The following PCDHGB7 variants were observed in gnomAD, a reference collection of about 807,000 sequenced individuals.
PCDHGB7 encodes protocadherin gamma subfamily B, 7.
In PCDHGB7, 37 loss-of-function variants were observed where a neutral mutation model predicts 61.4. That is an observed-to-expected ratio of 0.60 (90% CI 0.46 to 0.79). The LOEUF (loss-of-function observed/expected upper bound fraction) is 0.79. PCDHGB7 is among the 30% of genes least tolerant of loss of function. The pLI, the probability that PCDHGB7 is intolerant of heterozygous loss-of-function variation, is 0.00. For missense variants in PCDHGB7, 1,166 were observed against 1,202.5 expected (o/e 0.97, Z 0.45); for synonymous variants, 464 against 503.5 (o/e 0.92, Z 1.05).
intron 1 of PCDHGB7, among the ~76,000 whole-genome samples, chr5:141,435,652 G>C (rs978809372): frequency 6.6e-6 from 1 of 152,108 alleles, no homozygotes; most frequent in Non-Finnish European, 1.5e-5. Context: ...TTTCTGAAAC[G>C]TGCACAGATT....
In PCDHGB7 at chr5:141,433,028, G is replaced by T. The variant is rs539293579; in HGVS notation, c.2415+12754G>T. 27 of 1,614,116 alleles carry T rather than the reference G, an allele frequency of 1.7e-5. No individual in the cohort carries two copies. The highest frequency in any genetic ancestry group is 6.7e-5 in the Admixed American group (4 of 60,018). On this transcript the variant is annotated intron_variant, in intron 1 of 3. Coordinates refer to ENST00000398594, the MANE Select transcript of PCDHGB7 (RefSeq NM_018927.4). ...TTTCCTGCAGACCTATTCCCACGAG[G>T]TTTCCCTCACCACGGACTCGCGGAA...
In PCDHGB7 at chr5:141,486,819, T is replaced by TG; in HGVS notation, c.2416-7988_2416-7987insG. 6.2e-7 allele frequency: 1 copy of TG among 1,614,212 alleles called. No homozygotes were observed. Among genetic ancestry groups the TG allele is most frequent in the Non-Finnish European group, 8.5e-7 (1 of 1,180,034 alleles). On this transcript the variant is annotated intron_variant, in intron 1 of 3. Coordinates refer to ENST00000398594, the MANE Select transcript of PCDHGB7 (RefSeq NM_018927.4). The surrounding 1 kb of genome is among the most constrained non-coding windows in gnomAD (Gnocchi z 5.0). ...GGCAACCCACCCCTTAGCAGCACTG[T>TG]AACAGTTCGTCTATTTGTGCTGGAC...
At position 141,485,698 on chromosome 5, in the gene PCDHGB7, T is replaced by C. The variant is rs1175015922; in HGVS notation, c.2416-9109T>C. ...TTAGCAGCTATAGGCTGAGCTCCAA[T>C]GAACACTTTGCACTGGATGTGAAGA... On this transcript the variant is annotated intron_variant, in intron 1 of 3. Transcript: ENST00000398594. This position sits in a 1 kb window ranked among gnomAD's most constrained non-coding sequence, Gnocchi z 5.7. 6.2e-7 allele frequency: 1 copy of C among 1,613,994 alleles called. No homozygotes were observed. The highest frequency in any genetic ancestry group is 8.5e-7 in the Non-Finnish European group (1 of 1,180,002).
At chr5:141,498,973 GA>G (rs1161965842) in intron 2 of PCDHGB7, among the ~76,000 whole-genome samples, 8 of 11,660 alleles carry the variant, frequency 6.9e-4, no homozygotes, top group Admixed American at 4.8e-3. Flanking sequence ...GGGAGGGAGG[GA>G]AGGAAGGAAG....
At chr5:141,457,522 G>A (rs1200640017) in intron 1 of PCDHGB7, among the ~76,000 whole-genome samples, 1 of 152,188 alleles carries the variant, frequency 6.6e-6, no homozygotes, top group Non-Finnish European at 1.5e-5. Flanking sequence ...AACAATTAAT[G>A]AGACTAGGGT....
At chr5:141,434,533 C>T (rs6862159) in intron 1 of PCDHGB7, among the ~76,000 whole-genome samples, 18,539 of 152,264 alleles carry the variant, frequency 0.12, 1,259 homozygotes, top group Non-Finnish European at 0.16. Flanking sequence ...AAACCACAAA[C>T]AATAGCATGA....
Position 141,477,100 on chromosome 5 carries a change from C to T in PCDHGB7, c.2416-17707C>T, listed in dbSNP as rs970613825. Reference sequence around the variant, plus strand: ...TTTACATCCAGGCCAAAGACAAGGGCGCCAATCCCGAAGGAGCACATTGCA... The same window carrying T: ...TTTACATCCAGGCCAAAGACAAGGGTGCCAATCCCGAAGGAGCACATTGCA... On this transcript the variant is annotated intron_variant, in intron 1 of 3. Transcript: ENST00000398594. The surrounding 1 kb of genome is among the most constrained non-coding windows in gnomAD (Gnocchi z 4.9). 1 of 1,614,098 alleles carries T rather than the reference C, an allele frequency of 6.2e-7. No homozygotes were observed. Among genetic ancestry groups the T allele is most frequent in the African/African-American group, 1.3e-5 (1 of 74,932 alleles).
At chr5:141,497,568 C>G (rs1012946741) in intron 2 of PCDHGB7, among the ~76,000 whole-genome samples, 2 of 140,602 alleles carry the variant, frequency 1.4e-5, no homozygotes, top group African/African-American at 5.4e-5. Flanking sequence ...TAGACAGAGT[C>G]TTGCTCTGTT....
chr5:141,441,762 C>T (rs3805697), intron 1 of PCDHGB7: 63,073 of 367,490 alleles, frequency 0.17, 6,544 homozygotes, highest in Admixed American at 0.27. Context: ...CGTGAGCCTG[C>T]GCGTGTTGGT....
intron 1 of PCDHGB7, among the ~76,000 whole-genome samples, chr5:141,488,541 T>C (rs2099676694): frequency 6.6e-6 from 1 of 152,184 alleles, no homozygotes; most frequent in South Asian, 2.1e-4. Flanking sequence ...CTAAGTCCCA[T>C]GTCAGCTGAC....
At chr5:141,479,063 A>G (rs1476826751) in intron 1 of PCDHGB7, among the ~76,000 whole-genome samples, 1 of 152,204 alleles carries the variant, frequency 6.6e-6, no homozygotes, top group African/African-American at 2.4e-5. Context: ...ATAATTTTTT[A>G]TGAATGAAAT....
At chr5:141,506,241 G>C (rs2237081) in intron 3 of PCDHGB7, among the ~76,000 whole-genome samples, 78,081 of 151,504 alleles carry the variant, frequency 0.52, 20,775 homozygotes, top group African/African-American at 0.63. Context: ...ATGAGGTCAG[G>C]AGTTCGAAAC....
intron 2 of PCDHGB7, among the ~76,000 whole-genome samples, chr5:141,502,576 T>C (rs1226513508): frequency 6.6e-6 from 1 of 152,168 alleles, no homozygotes; most frequent in African/African-American, 2.4e-5. Flanking sequence ...ATTATAAAAA[T>C]ATATTTTTAT....
At position 141,485,062 on chromosome 5, in the gene PCDHGB7, C is replaced by A; in HGVS notation, c.2416-9745C>A. 1 of 876,340 alleles carries A rather than the reference C, an allele frequency of 1.1e-6. No individual in the cohort carries two copies. Among genetic ancestry groups the A allele is most frequent in the African/African-American group, 1.7e-5 (1 of 59,510 alleles). The allele number at this position is 876,340 out of a possible 1,614,324, so 54.3% of individuals were successfully genotyped here. On this transcript the variant is annotated intron_variant, in intron 1 of 3. Coordinates refer to ENST00000398594, the MANE Select transcript of PCDHGB7 (RefSeq NM_018927.4). This position sits in a 1 kb window ranked among gnomAD's most constrained non-coding sequence, Gnocchi z 5.7. ...CCTTGCGGCGCCGGCCGAACCGCGC[C>A]AGAGCTGGCGCGGGGAAAGGGAGAT...
chr5:141,439,632 T>C (rs1335553818), intron 1 of PCDHGB7, among the ~76,000 whole-genome samples: 1 of 152,182 alleles, frequency 6.6e-6, no homozygotes, highest in Non-Finnish European at 1.5e-5. Context: ...TCCCCAGACA[T>C]TCCGGCTTGG....
chr5:141,466,344 T>G (rs1036472951), intron 1 of PCDHGB7, among the ~76,000 whole-genome samples: 5 of 152,106 alleles, frequency 3.3e-5, no homozygotes, highest in African/African-American at 4.8e-5. Flanking sequence ...ATAATTTTTT[T>G]GCAGCTAATC....
intron 1 of PCDHGB7, chr5:141,433,253 G>T: frequency 7.1e-7 from 1 of 1,416,466 alleles, no homozygotes; most frequent in South Asian, 1.3e-5. Flanking sequence ...GAATGCAGCG[G>T]TACGATCATA....
At chr5:141,423,328 G>C (rs1308803675) in intron 1 of PCDHGB7, 1 of 1,614,194 alleles carries the variant, frequency 6.2e-7, no homozygotes, top group African/African-American at 1.3e-5. Flanking sequence ...GGTGGCCGCA[G>C]TCTCCTGCAT....
intron 1 of PCDHGB7, among the ~76,000 whole-genome samples, chr5:141,452,145 C>T (rs1414317332): frequency 6.6e-6 from 1 of 152,020 alleles, no homozygotes; most frequent in Non-Finnish European, 1.5e-5. Flanking sequence ...GTGTTTTTTC[C>T]AATGAGTTAT....
Sources: allele counts gnomAD v4.1 joint callset (sites outside exome capture counted in the v4.1 genomes callset), GRCh38; gene constraint gnomAD v4.1.1; non-coding constraint Gnocchi (gnomAD v3.1); transcripts MANE v1.5; gene names NCBI Gene and HGNC (gene_info 2026-07-23, HGNC 2026-07-21).